The following LRRC7 variants were observed in gnomAD, a reference collection of about 807,000 sequenced individuals.
LRRC7 encodes the protein leucine-rich repeat-containing protein 7.
A neutral mutation model predicts 175.7 loss-of-function variants in LRRC7; 23 were observed. The observed-to-expected ratio is 0.13, with a 90% CI of 0.09 to 0.19. The LOEUF (loss-of-function observed/expected upper bound fraction) is 0.19. Ranked by LOEUF, LRRC7 falls within the 10% of genes least tolerant of loss-of-function variation. LRRC7 has a pLI of 1.00. For missense variants in LRRC7, 1,354 were observed against 1,904.7 expected (o/e 0.71, Z 5.38); for synonymous variants, 685 against 680.9 (o/e 1.01, Z -0.09).
At chr1:69,719,225 A>T (rs1234801181) in intron 2 of LRRC7, among the ~76,000 whole-genome samples, 1 of 151,780 alleles carries the variant, frequency 6.6e-6, no homozygotes, top group East Asian at 1.9e-4. Context: ...CCCACATTAG[A>T]GTGACAAATA....
chr1:69,813,193 C>G (rs994324658), intron 4 of LRRC7, among the ~76,000 whole-genome samples: 8 of 152,104 alleles, frequency 5.3e-5, no homozygotes, highest in African/African-American at 1.9e-4. Context: ...ATTCTATAGT[C>G]AATTATCAGA....
intron 2 of LRRC7, among the ~76,000 whole-genome samples, chr1:69,728,031 G>A (rs1667166405): frequency 3.9e-5 from 6 of 152,006 alleles, no homozygotes; most frequent in Admixed American, 2.6e-4. Flanking sequence ...TCAATATCCA[G>A]CTGTCTCTGG....
intron 1 of LRRC7, among the ~76,000 whole-genome samples, chr1:69,589,097 T>C (rs116582805): frequency 0.01 from 1,561 of 149,242 alleles, 31 homozygotes; most frequent in African/African-American, 0.035. Flanking sequence ...ACTTTTTGTG[T>C]TACCACTTCA....
At chr1:69,951,178 G>GA (rs556571712) in intron 8 of LRRC7, among the ~76,000 whole-genome samples, 5 of 148,770 alleles carry the variant, frequency 3.4e-5, no homozygotes, top group African/African-American at 7.4e-5. Context: ...ACAAACATAT[G>GA]AAAAAAAAAC....
Position 70,143,392 on chromosome 1 carries a change from CTTT to C in LRRC7, c.*21506_*21508del, listed in dbSNP as rs1289671761. ...TATTCGACTGGTAAAGAAAGTGCTTCTTTATGACTTCTTTTGCAGTCTTTGTGA... is the reference window on the plus strand; with the variant it reads ...TATTCGACTGGTAAAGAAAGTGCTTCATGACTTCTTTTGCAGTCTTTGTGA... On this transcript the variant is annotated 3_prime_UTR_variant, in exon 27 of 27. Transcript: ENST00000651989. The C allele has an allele frequency of 6.6e-6, 1 of 152,008 alleles. No homozygotes were observed. The highest frequency in any genetic ancestry group is 1.5e-5 in the Non-Finnish European group (1 of 67,970). The allele number at this position is 152,008 out of a possible 1,614,324, so 9.4% of individuals were successfully genotyped here.
intron 2 of LRRC7, among the ~76,000 whole-genome samples, chr1:69,735,726 A>G (rs1206423619): frequency 6.6e-5 from 10 of 152,016 alleles, no homozygotes; most frequent in Admixed American, 5.9e-4. Context: ...GACATATCCT[A>G]TCATTTTTCT....
chr1:69,580,835 G>T (rs1005624868), intron 1 of LRRC7, among the ~76,000 whole-genome samples: 2 of 152,102 alleles, frequency 1.3e-5, no homozygotes, highest in African/African-American at 4.8e-5. Flanking sequence ...TATGATAAAA[G>T]CTAAGAAGAA....
intron 2 of LRRC7, among the ~76,000 whole-genome samples, chr1:69,702,442 A>G (rs988067955): frequency 1.3e-5 from 2 of 152,172 alleles, no homozygotes; most frequent in Non-Finnish European, 2.9e-5. Flanking sequence ...GGGATAATCC[A>G]TGGTAGAACA....
At chr1:69,809,196 C>G (rs549694416) in intron 4 of LRRC7, among the ~76,000 whole-genome samples, 2 of 152,232 alleles carry the variant, frequency 1.3e-5, no homozygotes, top group East Asian at 3.9e-4. Context: ...AATTCCTGAA[C>G]ACATACACCC....
intron 1 of LRRC7, among the ~76,000 whole-genome samples, chr1:69,644,968 A>G (rs1285971881): frequency 6.6e-6 from 1 of 152,018 alleles, no homozygotes; most frequent in Non-Finnish European, 1.5e-5. Flanking sequence ...ATAGAAAAAA[A>G]TTTCCTCCAT....
intron 7 of LRRC7, among the ~76,000 whole-genome samples, chr1:69,844,872 AATAAAG>A (rs1448282342): frequency 6.6e-6 from 1 of 152,180 alleles, no homozygotes; most frequent in Non-Finnish European, 1.5e-5. Context: ...GTTCCTTAAA[AATAAAG>A]ATAAAAACAC....
chr1:69,954,407 G>T (rs981729870), intron 8 of LRRC7, among the ~76,000 whole-genome samples: 1 of 152,026 alleles, frequency 6.6e-6, no homozygotes, highest in Non-Finnish European at 1.5e-5. Context: ...GCAAAAATAA[G>T]TGATTTTGAT....
At chr1:69,743,027 A>G (rs1363454383) in intron 2 of LRRC7, among the ~76,000 whole-genome samples, 1 of 151,998 alleles carries the variant, frequency 6.6e-6, no homozygotes, top group Non-Finnish European at 1.5e-5. Flanking sequence ...TATTAGAAGG[A>G]TGTGTTGTCA....
At chr1:70,103,089 T>C (rs1293713892) in intron 25 of LRRC7, among the ~76,000 whole-genome samples, 1 of 151,730 alleles carries the variant, frequency 6.6e-6, no homozygotes, top group African/African-American at 2.4e-5. Flanking sequence ...ATTAGCCAGG[T>C]GTGGTAGCAC....
chr1:69,717,919 GA>G lies in LRRC7; in HGVS notation c.100+39448del, dbSNP rs1371153165. Among the ~76,000 whole-genome samples, 17 of 31,212 alleles carry G rather than the reference GA, an allele frequency of 5.4e-4. 1 individual carries two copies. The highest frequency in any genetic ancestry group is 1.7e-3 in the South Asian group (1 of 592). 20.5% of individuals were successfully genotyped at this position (31,212 alleles called of 152,430 possible). A position where few individuals can be genotyped will look rare whatever the true frequency, so the allele number is the denominator to read the frequency against. ...GGAGGGAAGGAGGGAGAGAAAGAGA[GA>G]AAAAAAGAAAAGAAAGAAAGAAAGA... On this transcript the variant is annotated intron_variant, in intron 2 of 26. Transcript: ENST00000651989.
intron 10 of LRRC7, 72 bp from the exon 11 acceptor site, chr1:69,994,489 T>C: frequency 9.5e-7 from 1 of 1,056,500 alleles, no homozygotes; most frequent in African/African-American, 1.6e-5. Flanking sequence ...GTGATTCATG[T>C]GATTTCTTTT....
chr1:70,051,555 A>G (rs547356598), intron 22 of LRRC7, among the ~76,000 whole-genome samples: 1 of 152,148 alleles, frequency 6.6e-6, no homozygotes, highest in South Asian at 2.1e-4. Context: ...GCTAATTTTG[A>G]AGTAACACAT....
chr1:69,710,464 A>G (rs1030536485), intron 2 of LRRC7, among the ~76,000 whole-genome samples: 1 of 152,066 alleles, frequency 6.6e-6, no homozygotes, highest in Non-Finnish European at 1.5e-5. Flanking sequence ...TAGGGTTTAC[A>G]GATTTGGAGA....
chr1:69,695,259 A>C (rs1452345056), intron 2 of LRRC7, among the ~76,000 whole-genome samples: 1 of 152,230 alleles, frequency 6.6e-6, no homozygotes, highest in East Asian at 1.9e-4. Context: ...CCCTAGGAAT[A>C]TGTGGAAGTT....
Sources: gnomAD v4.1 joint callset for allele counts (sites outside exome capture counted in the v4.1 genomes callset) on GRCh38, gnomAD v4.1.1 for gene constraint, MANE v1.5 for transcripts, NCBI Gene and HGNC (gene_info 2026-07-23, HGNC 2026-07-21) for gene names.